The following PPP2R2D variants were observed in gnomAD, a reference collection of about 807,000 sequenced individuals.
PPP2R2D encodes the protein protein phosphatase 2 regulatory subunit Bdelta.
In PPP2R2D, 9 loss-of-function variants were observed where a neutral mutation model predicts 31.1. The ratio of observed to expected loss-of-function variants is 0.29; its 90% CI spans 0.17 to 0.51. The LOEUF (loss-of-function observed/expected upper bound fraction) is 0.51. Ranked by LOEUF, PPP2R2D falls within the 20% of genes least tolerant of loss-of-function variation. PPP2R2D has a pLI of 0.98. For missense variants in PPP2R2D, 391 were observed against 465.6 expected (o/e 0.84, Z 1.48); for synonymous variants, 179 against 172.6 (o/e 1.04, Z -0.29).
chr10:131,968,669 A>G, the PPP2R2D span: 1 of 1,024,482 alleles, frequency 9.8e-7, no homozygotes, highest in Non-Finnish European at 1.5e-6. Flanking sequence ...AGCTTATGCA[A>G]GGGGACTGGT....
intron 2 of PPP2R2D, among the ~76,000 whole-genome samples, chr10:131,914,511 G>A (rs1275404849): frequency 1.3e-5 from 2 of 152,148 alleles, no homozygotes; most frequent in East Asian, 3.8e-4. Flanking sequence ...GGTTCCACTT[G>A]TAGGAATCCT....
chr10:131,956,747 G>A lies in PPP2R2D; in HGVS notation c.*784G>A. ...ATCAGATACACCAGGTAAGGTCTGG[G>A]AAAAGCCAGAACCGAGGCCACCTCT... is the stretch of plus-strand genomic sequence containing the variant. On this transcript the variant is annotated 3_prime_UTR_variant, in exon 9 of 9. Coordinates refer to ENST00000455566, the MANE Select transcript of PPP2R2D (RefSeq NM_018461.5). 3.9e-6 allele frequency: 1 copy of A among 257,400 alleles called. No homozygotes were observed. Among genetic ancestry groups the A allele is most frequent in the Middle Eastern group, 2.0e-3 (1 of 492 alleles). 15.9% of individuals were successfully genotyped at this position (257,400 alleles called of 1,614,324 possible).
Position 131,955,943 on chromosome 10 carries a change from T to C in PPP2R2D, c.1342T>C (p.Phe448Leu), listed in dbSNP as rs1246523958. 2.6e-6 allele frequency: 4 copies of C among 1,551,868 alleles called. No homozygotes were observed. Among genetic ancestry groups the C allele is most frequent in the Middle Eastern group, 1.7e-4 (1 of 5,826 alleles). The change falls in exon 9 of 9, where the codon TTC becomes CTC. Residue 448 changes from phenylalanine to leucine, a missense_variant. Phe to Leu is a conservative substitution (Grantham distance 22). Around this residue, in one of 3 missense-constraint regions of PPP2R2D, gnomAD observed 163 missense variants for 179.5 expected, o/e 0.91. Coordinates refer to ENST00000455566, the MANE Select transcript of PPP2R2D (RefSeq NM_018461.5). ...GGCTGCCACCAATAACTTGTACATATTCCAGGACAAAATCAACTAGAGACG... is the reference window on the plus strand; with the variant it reads ...GGCTGCCACCAATAACTTGTACATACTCCAGGACAAAATCAACTAGAGACG... ...AVAATNNLYIFQDKIN is the reference protein window; with the variant it reads ...AVAATNNLYILQDKIN
At position 131,943,982 on chromosome 10, in the gene PPP2R2D, G is replaced by A; in HGVS notation, c.492G>A (p.Lys164=). 1.1e-6 allele frequency: 1 copy of A among 948,306 alleles called. No individual in the cohort carries two copies. The highest frequency in any genetic ancestry group is 2.1e-4 in the Middle Eastern group (1 of 4,780). 58.7% of individuals were successfully genotyped at this position (948,306 alleles called of 1,614,324 possible). Residue 164 remains lysine (K), a synonymous_variant, in exon 6 of 9, where the codon AAG becomes AAA. Transcript: ENST00000455566. ...TCCATTTTTAGGTCCCAATATTGAA[G>A]CCCATGGATCTTATGGTAGAAGCGA... ...RITALRVPIL[K]PMDLMVEASP...
chr10:131,968,749 AT>A, the PPP2R2D span: 1 of 533,866 alleles, frequency 1.9e-6, no homozygotes, highest in South Asian at 2.4e-5. Context: ...TTTTATCAAT[AT>A]GTATTTTGTA....
At chr10:131,962,215 T>A (rs1413566684), downstream of PPP2R2D, among the ~76,000 whole-genome samples, 1 of 152,138 alleles carries the variant, frequency 6.6e-6, no homozygotes. Flanking sequence ...GTGGCCAGGA[T>A]CCCCGACAGT....
intron 2 of PPP2R2D, among the ~76,000 whole-genome samples, chr10:131,933,697 AT>A (rs879990257): frequency 2.9e-4 from 43 of 147,126 alleles, no homozygotes; most frequent in Non-Finnish European, 2.3e-4. Context: ...CAGACCTGGG[AT>A]TTTTTTTTTT....
intron 5 of PPP2R2D, among the ~76,000 whole-genome samples, chr10:131,943,067 T>G (rs1291597994): frequency 6.6e-6 from 1 of 152,238 alleles, no homozygotes. Flanking sequence ...ATACTATCAT[T>G]AATTTTTTGT....
At chr10:131,931,850 C>A (rs1320350012) in intron 2 of PPP2R2D, among the ~76,000 whole-genome samples, 1 of 152,122 alleles carries the variant, frequency 6.6e-6, no homozygotes, top group South Asian at 2.1e-4. Flanking sequence ...TCGGAGGGCA[C>A]CCCTGGGGAT....
chr10:131,923,989 G>C (rs1180819126), intron 2 of PPP2R2D, among the ~76,000 whole-genome samples: 6 of 152,106 alleles, frequency 3.9e-5, no homozygotes, highest in Middle Eastern at 3.4e-3. Flanking sequence ...TGAATTCCTG[G>C]GGTTACAGTG....
At chr10:131,918,387 G>A (rs1310725465) in intron 2 of PPP2R2D, among the ~76,000 whole-genome samples, 6 of 149,610 alleles carry the variant, frequency 4.0e-5, no homozygotes, top group African/African-American at 1.2e-4. Context: ...GACCTCAGGC[G>A]GGTGGAATGA....
At chr10:131,965,899 A>G in the PPP2R2D span, among the ~76,000 whole-genome samples, 1 of 152,340 alleles carries the variant, frequency 6.6e-6, no homozygotes, top group African/African-American at 2.4e-5. Flanking sequence ...CCCTTGGTGC[A>G]TGAGTGGCAA....
chr10:131,929,816 T>C (rs1315029383), intron 2 of PPP2R2D, among the ~76,000 whole-genome samples: 5 of 152,148 alleles, frequency 3.3e-5, no homozygotes, highest in African/African-American at 1.2e-4. Flanking sequence ...CACAGCTCCT[T>C]AGTCTGCTTC....
rs7912247 is a variant in PPP2R2D, at chr10:131,959,451, G to A, written c.*3488G>A. 34,084 of 142,410 alleles carry A rather than the reference G, an allele frequency of 0.24. 4,733 individuals carry two copies. Among genetic ancestry groups the A allele is most frequent in the East Asian group, 0.39 (1,750 of 4,438 alleles). The allele number at this position is 142,410 out of a possible 1,614,324, so 8.8% of individuals were successfully genotyped here. A position where few individuals can be genotyped will look rare whatever the true frequency, so the allele number is the denominator to read the frequency against. ...CATCCCCCTGTGGAGATGAAGGCGTGTGCTGATCCCCGGTCCCCCTGTGGA... is the reference window on the plus strand; with the variant it reads ...CATCCCCCTGTGGAGATGAAGGCGTATGCTGATCCCCGGTCCCCCTGTGGA... On this transcript the variant is annotated 3_prime_UTR_variant, in exon 9 of 9. Transcript: ENST00000455566.
At chr10:131,953,184 G>T (rs1589963446) in intron 8 of PPP2R2D, among the ~76,000 whole-genome samples, 9 of 17,160 alleles carry the variant, frequency 5.2e-4, no homozygotes, top group Admixed American at 6.7e-4. Context: ...TGTGCGGGGG[G>T]TTTCACTGTC....
Position 131,934,445 on chromosome 10 carries a change from A to G in PPP2R2D, c.101-13A>G, listed in dbSNP as rs561617710. 6.5e-6 allele frequency: 5 copies of G among 770,900 alleles called. No individual in the cohort carries two copies. In the African/African-American group the frequency reaches 6.8e-5, roughly 11 times the overall value. The allele number at this position is 770,900 out of a possible 1,614,324, so 47.8% of individuals were successfully genotyped here. On this transcript the variant is annotated splice_polypyrimidine_tract_variant and intron_variant, in intron 2 of 8. Coordinates refer to ENST00000455566, the MANE Select transcript of PPP2R2D (RefSeq NM_018461.5). ...ACCGCATCCGGTAAATCGCTTCTGT[A>G]TTTTGTTGACAGCGGACATCATTTC...
At chr10:131,931,295 A>G (rs920803377) in intron 2 of PPP2R2D, among the ~76,000 whole-genome samples, 2 of 152,190 alleles carry the variant, frequency 1.3e-5, no homozygotes, top group Non-Finnish European at 1.5e-5. Flanking sequence ...TCTCCAGAAC[A>G]TGATTCGGGC....
Position 131,932,587 on chromosome 10 carries a change from C to G in PPP2R2D, c.101-1871C>G, listed in dbSNP as rs538878230. Among the ~76,000 whole-genome samples the G allele has an allele frequency of 4.2e-5, 6 of 142,084 alleles. No homozygotes were observed. The East Asian group carries it at 1.2e-3, about 29-fold the overall frequency. 93.2% of individuals were successfully genotyped at this position (142,084 alleles called of 152,430 possible). On this transcript the variant is annotated intron_variant, in intron 2 of 8. Coordinates refer to ENST00000455566, the MANE Select transcript of PPP2R2D (RefSeq NM_018461.5). Reference sequence around the variant, plus strand: ...GAGGCTGAGACATGAGAATCACTTGCACCCTGGAGATGGAGGTTGCGGTGA... The same window carrying G: ...GAGGCTGAGACATGAGAATCACTTGGACCCTGGAGATGGAGGTTGCGGTGA...
intron 6 of PPP2R2D, 38 bp downstream of exon 6, chr10:131,944,183 G>T: frequency 6.4e-7 from 1 of 1,551,740 alleles, no homozygotes; most frequent in South Asian, 1.2e-5. Flanking sequence ...TCTTCCCGAG[G>T]GTGCTCTTTA....
Sources: gnomAD v4.1 joint callset for allele counts (sites outside exome capture counted in the v4.1 genomes callset) on GRCh38, gnomAD v4.1.1 for gene constraint, gnomAD v4.1.1 regional missense constraint, MANE v1.5 for transcripts, NCBI Gene and HGNC (gene_info 2026-07-23, HGNC 2026-07-21) for gene names.